Variants in SAFB observed in about 807,000 individuals in gnomAD.
SAFB encodes the protein scaffold attachment factor B1.
SAFB carries 15 observed loss-of-function variants against 101.6 expected under a neutral mutation model. The observed-to-expected ratio is 0.15, with a 90% CI of 0.10 to 0.23. The LOEUF (loss-of-function observed/expected upper bound fraction) is 0.23. SAFB is among the 10% of genes least tolerant of loss of function. The pLI is 1.00. For missense variants in SAFB, 930 were observed against 1,104.1 expected (o/e 0.84, Z 2.23); for synonymous variants, 449 against 407.5 (o/e 1.10, Z -1.23).
intron 17 of SAFB, 82 bp from the exon 18 acceptor site, chr19:5,666,964 G>A (rs2054339913): frequency 5.8e-6 from 5 of 858,228 alleles, no homozygotes; most frequent in East Asian, 2.4e-5. Flanking sequence ...CGTTGTCATC[G>A]TTAGCATGTT....
chr19:5,628,812 G>A lies in SAFB; in HGVS notation c.274+2323G>A, dbSNP rs538048041. Among the ~76,000 whole-genome samples, 13 of 152,348 alleles carry A rather than the reference G, an allele frequency of 8.5e-5. No individual in the cohort carries two copies. In the East Asian group the frequency reaches 2.3e-3, roughly 27 times the overall value. On this transcript the variant is annotated intron_variant, in intron 2 of 20. Coordinates refer to ENST00000588852, the MANE Select transcript of SAFB (RefSeq NM_001201338.2). ...AAGTATACTTCTGCCAAGGCAAAGA[G>A]TCCTGGAAAATCAATGGAGAAAGAA...
intron 9 of SAFB, among the ~76,000 whole-genome samples, chr19:5,652,119 G>C (rs2053952479): frequency 6.6e-6 from 1 of 152,124 alleles, no homozygotes; most frequent in South Asian, 2.1e-4. Context: ...CTTGAACCCA[G>C]GAGGTGGAGG....
chr19:5,645,497 C>A, intron 5 of SAFB, 98 bp downstream of exon 5: 1 of 648,326 alleles, frequency 1.5e-6, no homozygotes, highest in South Asian at 1.8e-5. Flanking sequence ...AGCTAATAAT[C>A]ACCACAAGGG....
chr19:5,657,857 CAA>C (rs1330926949), intron 14 of SAFB, among the ~76,000 whole-genome samples: 1 of 152,008 alleles, frequency 6.6e-6, no homozygotes, highest in African/African-American at 2.4e-5. Flanking sequence ...AGTCTCTTCC[CAA>C]AGATTGTAGA....
Position 5,641,921 on chromosome 19 carries a change from T to A in SAFB, c.521T>A (p.Leu174His). ...RELVEGEMKELPEQLQEHAIE... is the reference protein window; with the variant it reads ...RELVEGEMKEHPEQLQEHAIE... ...CTAGTCGAGGGGGAAATGAAAGAGC[T>A]TCCGGAGCAGCTTCAGGAACATGCT... Residue 174 changes from leucine to histidine, a missense_variant, in exon 4 of 21, where the codon CTT (leucine) becomes CAT (histidine). This residue lies in a region of SAFB where 130 missense variants were observed against 114.2 expected (regional missense o/e 1.14). Transcript: ENST00000588852. The A allele has an allele frequency of 6.2e-7, 1 of 1,614,120 alleles. No homozygotes were observed. Among genetic ancestry groups the A allele is most frequent in the Middle Eastern group, 1.7e-4 (1 of 6,058 alleles).
At chr19:5,642,093 C>T in intron 4 of SAFB, 147 bp downstream of exon 4, 1 of 728,500 alleles carries the variant, frequency 1.4e-6, no homozygotes, top group Non-Finnish European at 2.4e-6. Context: ...TGATTCTGAA[C>T]CAATTTGTTT....
At position 5,641,627 on chromosome 19, in the gene SAFB, A is replaced by C. The variant is rs779636821; in HGVS notation, c.308A>C (p.Asn103Thr). The C allele has an allele frequency of 6.2e-7, 1 of 1,614,036 alleles. No homozygotes were observed. Among genetic ancestry groups the C allele is most frequent in the Non-Finnish European group, 8.5e-7 (1 of 1,180,002 alleles). The change falls in exon 3 of 21, where the codon AAC becomes ACC. Residue 103 changes from asparagine to threonine, a missense_variant. Transcript: ENST00000588852. ...RKPEEEGVED[N>T]GLEENSGDGQ... ...CCAGAAGAAGAGGGTGTGGAAGATA[A>C]CGGGCTGGAGGAAAACTCTGGGGAT...
At chr19:5,660,342 C>CTTTTTTTTTTTTTTTTT (rs11360129) in intron 14 of SAFB, among the ~76,000 whole-genome samples, 1 of 50,904 alleles carries the variant, frequency 2.0e-5, no homozygotes, top group African/African-American at 7.5e-5. Context: ...CTGCACACAC[C>CTTTTTTTTTTTTTTTTT]TTTTTTTTTT....
chr19:5,666,225 G>A (rs1215591303), intron 17 of SAFB: 1 of 152,230 alleles, frequency 6.6e-6, no homozygotes, highest in Non-Finnish European at 1.5e-5. Context: ...AGTCAGGCTG[G>A]AAAGTGCTTC....
At chr19:5,656,640 G>A (rs1182277450) in intron 13 of SAFB, among the ~76,000 whole-genome samples, 2 of 148,310 alleles carry the variant, frequency 1.3e-5, no homozygotes, top group African/African-American at 2.5e-5. Flanking sequence ...GTAGTGGCGC[G>A]TCCTCGGTTC....
intron 7 of SAFB, 29 bp from the exon 8 acceptor site, chr19:5,649,897 T>C (rs1273845503): frequency 6.2e-7 from 1 of 1,605,018 alleles, no homozygotes; most frequent in African/African-American, 1.3e-5. Context: ...GCTGCTTCCT[T>C]GTGGAGTGAC....
chr19:5,643,411 C>T (rs2053763484), intron 4 of SAFB, among the ~76,000 whole-genome samples: 2 of 152,078 alleles, frequency 1.3e-5, no homozygotes, highest in South Asian at 4.1e-4. Context: ...TCCAAGTATC[C>T]TTAGAGGTAG....
chr19:5,623,199 C>A lies in SAFB; in HGVS notation c.-7C>A. On this transcript the variant is annotated 5_prime_UTR_variant, in exon 1 of 21. Transcript: ENST00000588852. ...GGAAAGTGGGCGGCGGAGCCAGGGT[C>A]CCTGGAATGGCGGAGACTCTGTCAG... 1 of 1,577,714 alleles carries A rather than the reference C, an allele frequency of 6.3e-7. No individual in the cohort carries two copies.
Position 5,649,334 on chromosome 19 carries a change from C to G in SAFB, c.983C>G (p.Ala328Gly). ...CAGAGTAGTGCGGCCTCCGAGCTCG[C>G]GGAGGCCTCTAGCGAGGAGCTCGCA... ...VEQSSAASELAEASSEELAEA... is the reference protein window; with the variant it reads ...VEQSSAASELGEASSEELAEA... The change falls in exon 7 of 21, where the codon GCG becomes GGG. Residue 328 changes from alanine to glycine, a missense_variant. Physicochemically the swap from Ala to Gly is moderately conservative, Grantham distance 60. This residue lies in a region of SAFB where 130 missense variants were observed against 114.2 expected (regional missense o/e 1.14). Transcript: ENST00000588852. The G allele has an allele frequency of 2.6e-6, 1 of 379,234 alleles. No homozygotes were observed. The highest frequency in any genetic ancestry group is 4.3e-6 in the Non-Finnish European group (1 of 232,178). 23.5% of individuals were successfully genotyped at this position (379,234 alleles called of 1,614,324 possible).
chr19:5,668,444 T>G lies in SAFB; in HGVS notation c.*153T>G, dbSNP rs1178606941. ...TTTTTCGTTTTGGGGTTTTTTTTTT[T>G]TGTAATAAATGTGTTTCCGTTCACA... On this transcript the variant is annotated 3_prime_UTR_variant, in exon 21 of 21. Coordinates refer to ENST00000588852, the MANE Select transcript of SAFB (RefSeq NM_001201338.2). 2 of 768,644 alleles carry G rather than the reference T, an allele frequency of 2.6e-6. No individual in the cohort carries two copies. Among genetic ancestry groups the G allele is most frequent in the Non-Finnish European group, 3.9e-6 (2 of 507,142 alleles). 47.6% of individuals were successfully genotyped at this position (768,644 alleles called of 1,614,324 possible). A position where few individuals can be genotyped will look rare whatever the true frequency, so the allele number is the denominator to read the frequency against.
intron 16 of SAFB, 26 bp from the exon 17 acceptor site, chr19:5,664,370 AC>A: frequency 6.2e-7 from 1 of 1,602,476 alleles, no homozygotes; most frequent in Non-Finnish European, 8.6e-7. Flanking sequence ...TCTTCCCCTT[AC>A]GGTTTGATTT....
chr19:5,666,996 G>T (rs760173935), intron 17 of SAFB, 50 bp from the exon 18 acceptor site: 2 of 1,155,124 alleles, frequency 1.7e-6, no homozygotes, highest in Non-Finnish European at 2.6e-6. Flanking sequence ...CTTGGGGTCT[G>T]GGCGCTGACA....
intron 14 of SAFB, among the ~76,000 whole-genome samples, chr19:5,659,514 T>C (rs1454526076): frequency 6.6e-6 from 1 of 151,720 alleles, no homozygotes; most frequent in Non-Finnish European, 1.5e-5. Context: ...CCCTAGTAAC[T>C]GGGACTACAG....
rs1278647629 is a variant in SAFB, at chr19:5,668,238, G to A, written c.2701G>A (p.Gly901Ser). Residue 901 changes from glycine to serine, a missense_variant, in exon 21 of 21, where the codon GGC becomes AGC. Coordinates refer to ENST00000588852, the MANE Select transcript of SAFB (RefSeq NM_001201338.2). The stretch of plus-strand genomic sequence containing the variant: ...CGGTGGCATGCAGGGCGGGTTTGGA[G>A]GCCAGAGCCGGGGGAGCAGGCCCAG... ...PHGGMQGGFG[G>S]QSRGSRPSDA... The A allele has an allele frequency of 6.2e-7, 1 of 1,611,182 alleles. No homozygotes were observed. Among genetic ancestry groups the A allele is most frequent in the South Asian group, 1.1e-5 (1 of 90,850 alleles).
Sources: gnomAD v4.1 joint callset for allele counts (sites outside exome capture counted in the v4.1 genomes callset) on GRCh38, gnomAD v4.1.1 for gene constraint, gnomAD v4.1.1 regional missense constraint, MANE v1.5 for transcripts, NCBI Gene and HGNC (gene_info 2026-07-23, HGNC 2026-07-21) for gene names.